TJAP1: variants seen among roughly 807,000 people sequenced by gnomAD.
The protein encoded by TJAP1 is tight junction-associated protein 1.
A neutral mutation model predicts 42.0 loss-of-function variants in TJAP1; 27 were observed. The ratio of observed to expected loss-of-function variants is 0.64; its 90% CI spans 0.47 to 0.89. The LOEUF (loss-of-function observed/expected upper bound fraction) is 0.89, where lower values mean the gene tolerates loss of function less well. Ranked by LOEUF, TJAP1 falls within the 40% of genes least tolerant of loss-of-function variation. TJAP1 has a pLI of 0.00. For missense variants in TJAP1, 712 were observed against 726.9 expected (o/e 0.98, Z 0.24); for synonymous variants, 257 against 288.4 (o/e 0.89, Z 1.10).
intron 7 of TJAP1, 87 bp downstream of exon 7, chr6:43,502,436 C>T (rs1791147011): frequency 2.6e-6 from 4 of 1,536,900 alleles, no homozygotes; most frequent in Non-Finnish European, 3.6e-6. Context: ...GCCACTCTGC[C>T]CTGGGGCTTG....
intron 5 of TJAP1, chr6:43,501,050 G>C: frequency 2.0e-6 from 1 of 504,046 alleles, no homozygotes; most frequent in Admixed American, 3.4e-5. Flanking sequence ...CCCAGCTCCT[G>C]GCTCCTGTAC....
chr6:43,488,774 T>G (rs1787134258), intron 2 of TJAP1, among the ~76,000 whole-genome samples: 1 of 152,148 alleles, frequency 6.6e-6, no homozygotes, highest in African/African-American at 2.4e-5. Flanking sequence ...GGAAGAGTTG[T>G]TGTCTTTTTT....
At chr6:43,479,964 A>G (rs957043975) in intron 2 of TJAP1, among the ~76,000 whole-genome samples, 2 of 152,000 alleles carry the variant, frequency 1.3e-5, no homozygotes, top group African/African-American at 4.8e-5. Flanking sequence ...GCAAGACTCC[A>G]TCCATCTCAA....
At chr6:43,490,059 C>G (rs941234653) in intron 2 of TJAP1, among the ~76,000 whole-genome samples, 6 of 152,226 alleles carry the variant, frequency 3.9e-5, no homozygotes, top group Non-Finnish European at 7.3e-5. Context: ...CTAACCTGCC[C>G]TGGGGTGCCA....
chr6:43,502,901 G>C, intron 8 of TJAP1: 1 of 557,050 alleles, frequency 1.8e-6, no homozygotes, highest in South Asian at 2.0e-5. Context: ...TGGGAGTGGG[G>C]AGGGGAGGCT....
At chr6:43,500,188 G>A (rs1168317420) in intron 4 of TJAP1, among the ~76,000 whole-genome samples, 1 of 152,180 alleles carries the variant, frequency 6.6e-6, no homozygotes, top group Admixed American at 6.5e-5. Flanking sequence ...AGGGGTTTGG[G>A]GAAGATGGGG....
chr6:43,483,967 T>C (rs1785867918), intron 2 of TJAP1, among the ~76,000 whole-genome samples: 1 of 151,956 alleles, frequency 6.6e-6, no homozygotes, highest in African/African-American at 2.4e-5. Context: ...AGGAGGAGGC[T>C]GAGGTGGGAG....
At position 43,505,049 on chromosome 6, in the gene TJAP1, G is replaced by A; in HGVS notation, c.868G>A (p.Glu290Lys). ...CAGCCCCACCCCACAACCCAATGGGGAGTGCCACTCTCTGGGTACTGCCAG... is the reference window on the plus strand; with the variant it reads ...CAGCCCCACCCCACAACCCAATGGGAAGTGCCACTCTCTGGGTACTGCCAG... The change falls in exon 11 of 11, where the codon GAG becomes AAG. Residue 290 changes from glutamate (E) to lysine (K), a missense_variant. Around this residue, in one of 3 missense-constraint regions of TJAP1, gnomAD observed 549 missense variants for 528.2 expected, o/e 1.04. Coordinates refer to ENST00000372449, the Ensembl canonical transcript of TJAP1. The surrounding 1 kb of genome is among the most constrained non-coding windows in gnomAD (Gnocchi z 5.5). 6.2e-7 allele frequency: 1 copy of A among 1,614,050 alleles called. No individual in the cohort carries two copies. The highest frequency in any genetic ancestry group is 8.5e-7 in the Non-Finnish European group (1 of 1,180,002).
At chr6:43,483,195 T>C (rs1227303484) in intron 2 of TJAP1, among the ~76,000 whole-genome samples, 1 of 152,076 alleles carries the variant, frequency 6.6e-6, no homozygotes, top group Non-Finnish European at 1.5e-5. Context: ...GCCCACACTG[T>C]CTGGCTTGGC....
At position 43,486,124 on chromosome 6, in the gene TJAP1, G is replaced by A. The variant is rs1039242465; in HGVS notation, c.-122+7892G>A. On this transcript the variant is annotated intron_variant, in intron 2 of 10. Transcript: ENST00000372449. ...GGACTACAGGCATGTGCCACCACGC[G>A]CAGCTAACTTTTGTATTTTTAGTAG... Among the ~76,000 whole-genome samples the A allele has an allele frequency of 5.3e-5, 8 of 149,570 alleles. No homozygotes were observed. The East Asian group carries it at 8.1e-4, about 15-fold the overall frequency.
intron 6 of TJAP1, among the ~76,000 whole-genome samples, chr6:43,501,927 A>ACTCTCT (rs201624955): frequency 1.4e-5 from 1 of 71,596 alleles, no homozygotes; most frequent in Non-Finnish European, 2.5e-5. Context: ...ACACACACAC[A>ACTCTCT]CTCTCTCTCT....
chr6:43,483,606 TG>T (rs1345331184), intron 2 of TJAP1, among the ~76,000 whole-genome samples: 1 of 152,126 alleles, frequency 6.6e-6, no homozygotes, highest in Non-Finnish European at 1.5e-5. Context: ...GCAGAACATG[TG>T]GTGGAGAGGA....
Position 43,503,696 on chromosome 6 carries a change from A to G in TJAP1, c.569A>G (p.Lys190Arg), listed in dbSNP as rs376753394. ...AACAAGTCCCACTTCCGAAACCACA[A>G]GTTTGCCGATGTGAGTAGAACTCAC... The change falls in exon 10 of 11, where the codon AAG becomes AGG. Residue 190 changes from lysine (K) to arginine (R), a missense_variant. Transcript: ENST00000372449. 9.1e-5 allele frequency: 147 copies of G among 1,613,982 alleles called. No homozygotes were observed. The highest frequency in any genetic ancestry group is 1.2e-4 in the Non-Finnish European group (143 of 1,180,006).
chr6:43,504,109 G>T, intron 10 of TJAP1: 2 of 323,504 alleles, frequency 6.2e-6, no homozygotes, highest in Non-Finnish European at 1.2e-5. Context: ...AGAAGTAGAG[G>T]TATTTCTTTT....
chr6:43,503,732 C>T (rs747343918), intron 10 of TJAP1, 26 bp downstream of exon 10: 3 of 1,596,950 alleles, frequency 1.9e-6, no homozygotes. Context: ...CCCCTCCCTG[C>T]CCACATAGAC....
intron 2 of TJAP1, among the ~76,000 whole-genome samples, chr6:43,493,229 G>C (rs1404134211): frequency 6.6e-6 from 1 of 152,178 alleles, no homozygotes; most frequent in Admixed American, 6.5e-5. Flanking sequence ...TGATTCAGAA[G>C]GTTGTGTTCA....
chr6:43,489,302 A>T (rs1057440475), intron 2 of TJAP1, among the ~76,000 whole-genome samples: 1 of 151,886 alleles, frequency 6.6e-6, no homozygotes, highest in Non-Finnish European at 1.5e-5. Context: ...GAGAGGGGAG[A>T]ATAGTCCCTG....
At chr6:43,504,263 C>T (rs1282687211) in intron 10 of TJAP1, 2 of 225,704 alleles carry the variant, frequency 8.9e-6, no homozygotes. Flanking sequence ...TATAGGCGCC[C>T]ACCACCACGC....
chr6:43,502,550 C>A, intron 7 of TJAP1, 38 bp from the exon 8 acceptor site: 1 of 1,551,602 alleles, frequency 6.4e-7, no homozygotes. Flanking sequence ...TCGTCTCCCC[C>A]TCATGCTGCC....
Sources: gnomAD v4.1 joint callset for allele counts (sites outside exome capture counted in the v4.1 genomes callset) on GRCh38, gnomAD v4.1.1 for gene constraint, gnomAD v4.1.1 regional missense constraint, Gnocchi (gnomAD v3.1) non-coding constraint, MANE v1.5 for transcripts, NCBI Gene and HGNC (gene_info 2026-07-23, HGNC 2026-07-21) for gene names.